Variants in ST6GALNAC3 observed in about 807,000 individuals in gnomAD.
ST6GALNAC3 encodes ST6 N-acetylgalactosaminide alpha-2,6-sialyltransferase 3.
ST6GALNAC3 carries 25 observed loss-of-function variants against 32.7 expected under a neutral mutation model. The observed-to-expected ratio is 0.76, with a 90% CI of 0.56 to 1.07. The LOEUF (loss-of-function observed/expected upper bound fraction) is 1.07. Ranked by LOEUF, ST6GALNAC3 falls within the 50% of genes least tolerant of loss-of-function variation. The pLI is 0.00. For missense variants in ST6GALNAC3, 355 were observed against 382.4 expected (o/e 0.93, Z 0.60); for synonymous variants, 129 against 133.1 (o/e 0.97, Z 0.21).
chr1:76,300,046 A>T (rs1426675248), intron 1 of ST6GALNAC3, among the ~76,000 whole-genome samples: 1 of 152,034 alleles, frequency 6.6e-6, no homozygotes, highest in African/African-American at 2.4e-5. Flanking sequence ...TCATCTACAT[A>T]TTGGGAGACT....
intron 3 of ST6GALNAC3, among the ~76,000 whole-genome samples, chr1:76,540,244 A>G (rs1663905847): frequency 1.3e-5 from 2 of 152,110 alleles, no homozygotes; most frequent in South Asian, 4.1e-4. Flanking sequence ...TCTCCAGCAA[A>G]CTAACACAGG....
rs1430219608 is a variant in ST6GALNAC3 at position 76,633,560 on chromosome 1, A to G, written c.*4754A>G. 6.6e-6 allele frequency: 1 copy of G among 152,154 alleles called. No homozygotes were observed. Among genetic ancestry groups the G allele is most frequent in the African/African-American group, 2.4e-5 (1 of 41,444 alleles). 9.4% of individuals were successfully genotyped at this position (152,154 alleles called of 1,614,324 possible). A position where few individuals can be genotyped will look rare whatever the true frequency, so the allele number is the denominator to read the frequency against. On this transcript the variant is annotated 3_prime_UTR_variant, in exon 5 of 5. Coordinates refer to ENST00000328299, the MANE Select transcript of ST6GALNAC3 (RefSeq NM_152996.4). ...TACACCAAGAGCTGCTGAGTGTTGG[A>G]GGTTGCCTGGTGAAACTGGCAGGCC...
At chr1:76,314,943 A>G (rs1252295775) in intron 2 of ST6GALNAC3, among the ~76,000 whole-genome samples, 1 of 152,120 alleles carries the variant, frequency 6.6e-6, no homozygotes, top group Non-Finnish European at 1.5e-5. Flanking sequence ...TATTCTTAGC[A>G]TTCTGGGAGG....
At chr1:76,231,093 C>T (rs1341697565) in intron 1 of ST6GALNAC3, among the ~76,000 whole-genome samples, 1 of 152,144 alleles carries the variant, frequency 6.6e-6, no homozygotes, top group Non-Finnish European at 1.5e-5. Flanking sequence ...TTGGGAGACA[C>T]TGCTGCTTTC....
intron 1 of ST6GALNAC3, among the ~76,000 whole-genome samples, chr1:76,255,437 TA>T (rs2100710708): frequency 6.6e-6 from 1 of 152,198 alleles, no homozygotes; most frequent in South Asian, 2.1e-4. Context: ...TCCACTGGTG[TA>T]AATAAGAAAG....
intron 1 of ST6GALNAC3, among the ~76,000 whole-genome samples, chr1:76,209,360 T>C (rs939896089): frequency 6.6e-6 from 1 of 152,170 alleles, no homozygotes; most frequent in Non-Finnish European, 1.5e-5. Context: ...GAGCATCTCA[T>C]ATGGTTGTGC....
intron 3 of ST6GALNAC3, among the ~76,000 whole-genome samples, chr1:76,514,458 G>C (rs1662053515): frequency 6.6e-6 from 1 of 152,114 alleles, no homozygotes; most frequent in Non-Finnish European, 1.5e-5. Context: ...CCTAGTGGTA[G>C]GGGTGTTTTG....
intron 1 of ST6GALNAC3, among the ~76,000 whole-genome samples, chr1:76,088,297 G>A (rs914807109): frequency 6.6e-6 from 1 of 152,152 alleles, no homozygotes; most frequent in African/African-American, 2.4e-5. Flanking sequence ...CTGTCTCCTA[G>A]AGCAGAGAAT....
chr1:76,403,778 C>T (rs913978408), intron 2 of ST6GALNAC3, among the ~76,000 whole-genome samples: 2 of 151,984 alleles, frequency 1.3e-5, no homozygotes, highest in Non-Finnish European at 2.9e-5. Context: ...GTCCTGAGAT[C>T]ATCCTCCTGA....
intron 3 of ST6GALNAC3, among the ~76,000 whole-genome samples, chr1:76,504,690 A>G (rs751248345): frequency 6.6e-6 from 1 of 152,158 alleles, no homozygotes; most frequent in Non-Finnish European, 1.5e-5. Context: ...ATTTGAAAGA[A>G]CCTAATGTGT....
intron 1 of ST6GALNAC3, among the ~76,000 whole-genome samples, chr1:76,197,755 G>A (rs1024131374): frequency 1.3e-5 from 2 of 152,120 alleles, no homozygotes; most frequent in Non-Finnish European, 2.9e-5. Flanking sequence ...GACCCTCTAA[G>A]CCTTTGGGGT....
rs961342774 is a variant in ST6GALNAC3, at chr1:76,632,182, C to T, written c.*3376C>T. Reference sequence around the variant, plus strand: ...CCTATTTTAGACTTCATCTGAAATTCGTTGGGTTACATTTTGAATCCTGAT... The same window carrying T: ...CCTATTTTAGACTTCATCTGAAATTTGTTGGGTTACATTTTGAATCCTGAT... On this transcript the variant is annotated 3_prime_UTR_variant, in exon 5 of 5. Coordinates refer to ENST00000328299, the MANE Select transcript of ST6GALNAC3 (RefSeq NM_152996.4). 2.6e-5 allele frequency: 4 copies of T among 151,986 alleles called. No homozygotes were observed. Among genetic ancestry groups the T allele is most frequent in the South Asian group, 2.1e-4 (1 of 4,834 alleles). The allele number at this position is 151,986 out of a possible 1,614,324, so 9.4% of individuals were successfully genotyped here.
chr1:76,113,366 G>GGGAGGC (rs1648225636), intron 1 of ST6GALNAC3, among the ~76,000 whole-genome samples: 2 of 146,080 alleles, frequency 1.4e-5, no homozygotes, highest in Non-Finnish European at 3.0e-5. Context: ...GAGGGGGAGG[G>GGGAGGC]GGAGGCCAAA....
At chr1:76,521,313 G>GCA (rs1662521808) in intron 3 of ST6GALNAC3, among the ~76,000 whole-genome samples, 3 of 151,054 alleles carry the variant, frequency 2.0e-5, no homozygotes, top group South Asian at 4.2e-4. Context: ...ACACACACGC[G>GCA]CGTACATACA....
intron 1 of ST6GALNAC3, among the ~76,000 whole-genome samples, chr1:76,192,874 T>C (rs543321552): frequency 2.0e-5 from 3 of 152,288 alleles, no homozygotes; most frequent in African/African-American, 7.2e-5. Context: ...ATTGTAACAT[T>C]AGTCAGAGGA....
intron 3 of ST6GALNAC3, among the ~76,000 whole-genome samples, chr1:76,575,870 G>A (rs562804085): frequency 6.6e-6 from 1 of 152,080 alleles, no homozygotes; most frequent in African/African-American, 2.4e-5. Flanking sequence ...AAAGCTGTGT[G>A]TCAGATCCCA....
chr1:76,636,742 A>G (rs1160253899), downstream of ST6GALNAC3: 1 of 152,022 alleles, frequency 6.6e-6, no homozygotes, highest in Non-Finnish European at 1.5e-5. Flanking sequence ...TTTTTCACCT[A>G]ATACGAAACT....
At chr1:76,496,181 G>A (rs1203370591) in intron 3 of ST6GALNAC3, among the ~76,000 whole-genome samples, 1 of 152,154 alleles carries the variant, frequency 6.6e-6, no homozygotes, top group East Asian at 1.9e-4. Context: ...CTGAGATTTA[G>A]ACAGACACTA....
At chr1:76,375,101 G>A (rs1651119315) in intron 2 of ST6GALNAC3, among the ~76,000 whole-genome samples, 1 of 152,094 alleles carries the variant, frequency 6.6e-6, no homozygotes, top group South Asian at 2.1e-4. Flanking sequence ...AGAGAAAAGG[G>A]ACAGAGATCA....
Sources: allele counts gnomAD v4.1 joint callset (sites outside exome capture counted in the v4.1 genomes callset), GRCh38; gene constraint gnomAD v4.1.1; transcripts MANE v1.5; gene names NCBI Gene and HGNC (gene_info 2026-07-23, HGNC 2026-07-21).